Variants in PABIR3 observed in about 807,000 individuals in gnomAD.
The protein encoded by PABIR3 is PABIR family member 3.
Under a neutral mutation model 23.1 loss-of-function variants are expected in PABIR3, and 20 were observed. The ratio of observed to expected loss-of-function variants is 0.86; its 90% CI spans 0.61 to 1.26. The LOEUF is 1.26. Among genes scored for constraint, PABIR3 ranks in the 50% most tolerant of loss-of-function variants. The probability of loss-of-function intolerance (pLI) is 0.00; values close to 1 mark genes in which losing one functional copy is unlikely to be tolerated. For synonymous variants in PABIR3, 69 were observed against 68.5 expected, an observed-to-expected ratio of 1.01 and a Z score of -0.04; for missense variants, 189 against 195.4, an observed-to-expected ratio of 0.97 and a Z score of 0.20.
intron 4 of PABIR3, among the ~76,000 whole-genome samples, chrX:134,838,503 C>T (rs2082045605): frequency 9.2e-6 from 1 of 109,046 alleles, no homozygotes; most frequent in Non-Finnish European, 1.9e-5. Context: ...CGGGGTTTCA[C>T]CGTGTTAGCC....
chrX:134,807,386 G>A lies in PABIR3; in HGVS notation c.-60+45G>A, dbSNP rs541015065. The A allele has an allele frequency of 8.6e-4, 855 of 989,866 alleles. 10 individuals are homozygous for A. The South Asian group carries it at 0.015, about 18-fold the overall frequency. 81.6% of individuals were successfully genotyped at this position (989,866 alleles called of 1,213,427 possible). A position where few individuals can be genotyped will look rare whatever the true frequency, so the allele number is the denominator to read the frequency against. On this transcript the variant is annotated intron_variant, in intron 1 of 10. Transcript: ENST00000645433. The stretch of plus-strand genomic sequence containing the variant: ...TTAGAGGCCCCGATCATGGGAGATA[G>A]GCGGTTCGGAGCCAGTTCTGCCTAA...
Position 134,800,272 on chromosome X carries a change from G to A in PABIR3, c.-98+3408G>A, listed in dbSNP as rs1314418279. 7.6e-5 allele frequency among the ~76,000 whole-genome samples: 8 copies of A among 105,740 alleles called. 1 individual carries two copies. Among genetic ancestry groups the A allele is most frequent in the African/African-American group, 2.5e-4 (7 of 28,221 alleles). The allele number at this position is 105,740 out of a possible 115,157, so 91.8% of individuals were successfully genotyped here. A position where few individuals can be genotyped will look rare whatever the true frequency, so the allele number is the denominator to read the frequency against. On this transcript the variant is annotated intron_variant, in intron 1 of 4. Coordinates refer to the PABIR3 transcript ENST00000414371. The stretch of plus-strand genomic sequence containing the variant: ...GTTGAGATCACACCACGGCACTCCA[G>A]CCTGGGCAACAGAGCAAGACTCCAT...
At chrX:134,811,425 A>G (rs372034689) in intron 2 of PABIR3, among the ~76,000 whole-genome samples, 13 of 105,150 alleles carry the variant, frequency 1.2e-4, no homozygotes, top group African/African-American at 4.5e-4. Flanking sequence ...CCTGAGATGG[A>G]GTCTTGAGGC....
At position 134,849,869 on chromosome X, in the gene PABIR3, C is replaced by CTTTTTTTTTTTTTT. The variant is rs374919785; in HGVS notation, c.589+646_589+659dup. Among the ~76,000 whole-genome samples the CTTTTTTTTTTTTTT allele has an allele frequency of 3.9e-3, 230 of 58,830 alleles. 11 individuals carry two copies. Among genetic ancestry groups the CTTTTTTTTTTTTTT allele is most frequent in the Non-Finnish European group, 4.3e-3 (159 of 37,017 alleles). 51.1% of individuals were successfully genotyped at this position (58,830 alleles called of 115,157 possible). On this transcript the variant is annotated intron_variant, in intron 9 of 10. Coordinates refer to ENST00000645433, the MANE Select transcript of PABIR3 (RefSeq NM_001388447.1). ...ACCTCACTAAATTATGCTCTTCTTC[C>CTTTTTTTTTTTTTT]TTTTTTTTTTTTTTTTTTCTTGAGA... is the stretch of plus-strand genomic sequence containing the variant.
chrX:134,831,334 G>A (rs1027186641), intron 4 of PABIR3, among the ~76,000 whole-genome samples: 1 of 111,628 alleles, frequency 9.0e-6, no homozygotes, highest in Non-Finnish European at 1.9e-5. Context: ...CTCCCAAAGT[G>A]CTGGGATTAC....
At chrX:134,821,744 C>T in intron 3 of PABIR3, 1 of 939,877 alleles carries the variant, frequency 1.1e-6, no homozygotes, top group Non-Finnish European at 1.3e-6. Context: ...ATGCCCTGCA[C>T]ATCTAGCCCA....
At chrX:134,836,536 G>A (rs1350318566) in intron 4 of PABIR3, among the ~76,000 whole-genome samples, 2 of 112,272 alleles carry the variant, frequency 1.8e-5, no homozygotes, top group African/African-American at 3.2e-5. Flanking sequence ...TCTGCTCCAG[G>A]CCTCTGCCCT....
At chrX:134,807,393 C>T (rs906463009) in intron 1 of PABIR3, 52 bp downstream of exon 1, 2 of 994,888 alleles carry the variant, frequency 2.0e-6, no homozygotes, top group Non-Finnish European at 1.3e-6. Context: ...ATAGGCGGTT[C>T]GGAGCCAGTT....
At chrX:134,827,000 C>G (rs113280433) in intron 3 of PABIR3, among the ~76,000 whole-genome samples, 15,667 of 110,753 alleles carry the variant, frequency 0.14, 1,674 homozygotes, top group African/African-American at 0.37. Flanking sequence ...TTGCTCTGTT[C>G]CCCAGGCTGG....
At chrX:134,810,129 A>G (rs2080560217) in intron 2 of PABIR3, 1 of 752,287 alleles carries the variant, frequency 1.3e-6, no homozygotes, top group Non-Finnish European at 1.6e-6. Context: ...TAGGTTGCAA[A>G]TAGACGATGG....
chrX:134,860,540 AGT>A, the PABIR3 span, among the ~76,000 whole-genome samples: 1 of 111,887 alleles, frequency 8.9e-6, no homozygotes, highest in African/African-American at 3.3e-5. Context: ...GAAGTTTGGT[AGT>A]GTGTATCAAA....
At chrX:134,847,322 T>C in intron 6 of PABIR3, 61 bp from the exon 7 acceptor site, 4 of 885,278 alleles carry the variant, frequency 4.5e-6, no homozygotes, top group Non-Finnish European at 4.9e-6. Flanking sequence ...AACAGGTATC[T>C]CAAGTATTTG....
intron 4 of PABIR3, chrX:134,839,506 A>G (rs1163378324): frequency 1.6e-5 from 1 of 61,248 alleles, no homozygotes; most frequent in Admixed American, 1.8e-4. Context: ...CGGCAGCCAC[A>G]CCGTCTGGGA....
In PABIR3 at chrX:134,822,669, T is replaced by A. The variant is rs1419831280; in HGVS notation, c.190-6557T>A. 2.6e-5 allele frequency: 19 copies of A among 738,959 alleles called. No individual in the cohort carries two copies. In the Admixed American group the frequency reaches 1.7e-3, roughly 66 times the overall value. 60.9% of individuals were successfully genotyped at this position (738,959 alleles called of 1,213,427 possible). ...AGGGAAGTCTTTCATCATTATTTTA[T>A]GAAGGAAATTTGCCATACCATGTTT... is the stretch of plus-strand genomic sequence containing the variant. On this transcript the variant is annotated intron_variant, in intron 3 of 10. Transcript: ENST00000645433.
Position 134,847,872 on chromosome X carries a change from T to A in PABIR3, c.439-11T>A, listed in dbSNP as rs1408605282. 8.7e-7 allele frequency: 1 copy of A among 1,149,041 alleles called. No homozygotes were observed. Among genetic ancestry groups the A allele is most frequent in the Non-Finnish European group, 1.2e-6 (1 of 868,504 alleles). 94.7% of individuals were successfully genotyped at this position (1,149,041 alleles called of 1,213,427 possible). A position where few individuals can be genotyped will look rare whatever the true frequency, so the allele number is the denominator to read the frequency against. ...GGCGGTTTTAAAACCTCTGTTCCAA[T>A]TTGATTTTAGCAGTGTTTCTCTCCA... On this transcript the variant is annotated splice_polypyrimidine_tract_variant and intron_variant, in intron 7 of 10. Coordinates refer to ENST00000645433, the MANE Select transcript of PABIR3 (RefSeq NM_001388447.1).
chrX:134,847,640 T>C (rs1286224545), intron 7 of PABIR3, among the ~76,000 whole-genome samples, 165 bp downstream of exon 7: 1 of 112,225 alleles, frequency 8.9e-6, no homozygotes, highest in African/African-American at 3.2e-5. Context: ...AAGTATTACT[T>C]ACATGTAATA....
upstream of PABIR3, among the ~76,000 whole-genome samples, chrX:134,803,944 G>A (rs73568752): frequency 0.013 from 1,364 of 108,370 alleles, 23 homozygotes; most frequent in African/African-American, 0.044. Context: ...AAATCTTTTG[G>A]GAAGGTTTGG....
intron 2 of PABIR3, chrX:134,810,925 C>T: frequency 2.7e-6 from 2 of 754,161 alleles, no homozygotes; most frequent in Non-Finnish European, 3.1e-6. Context: ...GGAACTTGCC[C>T]AAATGATCTG....
intron 4 of PABIR3, chrX:134,835,211 C>T (rs941113264): frequency 1.8e-5 from 2 of 108,697 alleles, no homozygotes; most frequent in African/African-American, 6.7e-5. Flanking sequence ...CAGGCGCCCA[C>T]CACCCCACCC....
Sources: gnomAD v4.1 joint callset for allele counts (sites outside exome capture counted in the v4.1 genomes callset) on GRCh38, gnomAD v4.1.1 for gene constraint, MANE v1.5 for transcripts, NCBI Gene and HGNC (gene_info 2026-07-23, HGNC 2026-07-21) for gene names.